Variants in AMPH observed in about 807,000 individuals in gnomAD.
AMPH encodes the protein amphiphysin (Stiff-Mann syndrome with breast cancer 128kD autoantigen).
In AMPH, 49 loss-of-function variants were observed where a neutral mutation model predicts 99.1. That is an observed-to-expected ratio of 0.49 (90% confidence interval 0.39 to 0.63). AMPH has a LOEUF of 0.63. Among genes scored for constraint, AMPH ranks in the 20% least tolerant of loss-of-function variants. The pLI is 0.00. For synonymous variants in AMPH, 314 were observed against 317.3 expected, an observed-to-expected ratio of 0.99 and a Z score of 0.11; for missense variants, 759 against 863.4, an observed-to-expected ratio of 0.88 and a Z score of 1.52.
At chr7:38,538,373 A>T (rs1221554254) in intron 1 of AMPH, among the ~76,000 whole-genome samples, 2 of 152,224 alleles carry the variant, frequency 1.3e-5, no homozygotes, top group African/African-American at 4.8e-5. Context: ...CTGCAGGAAT[A>T]ACAGGCTGCA....
chr7:38,605,921 G>A (rs111707453), intron 1 of AMPH, among the ~76,000 whole-genome samples: 2,713 of 152,230 alleles, frequency 0.018, 92 homozygotes, highest in African/African-American at 0.062. Flanking sequence ...TCGTAGGAAA[G>A]AAAGCCCCTC....
In AMPH at chr7:38,581,662, G is replaced by A. The variant is rs1252070008; in HGVS notation, c.70-46651C>T. Among the ~76,000 whole-genome samples, 5 of 152,318 alleles carry A rather than the reference G, an allele frequency of 3.3e-5. No homozygotes were observed. The East Asian group carries it at 9.7e-4, about 29-fold the overall frequency. The stretch of plus-strand genomic sequence containing the variant: ...TTCTAGTGGAGCAAGGAAAGGACAA[G>A]GGACGGTTAAGAGGCTCTGCAGTAA... On this transcript the variant is annotated intron_variant, in intron 1 of 20. Transcript: ENST00000356264.
At chr7:38,513,955 C>T (rs1434321894) in intron 2 of AMPH, among the ~76,000 whole-genome samples, 1 of 152,160 alleles carries the variant, frequency 6.6e-6, no homozygotes, top group Non-Finnish European at 1.5e-5. Context: ...ACTCCTTCTC[C>T]CAGCTATAGT....
chr7:38,462,739 G>A (rs76314084), intron 10 of AMPH, among the ~76,000 whole-genome samples: 14,681 of 152,160 alleles, frequency 0.096, 948 homozygotes, highest in Middle Eastern at 0.2. Flanking sequence ...TGAGCATGCC[G>A]AGAACGTGGT....
chr7:38,572,628 G>T (rs1365879088), intron 1 of AMPH, among the ~76,000 whole-genome samples: 2 of 152,188 alleles, frequency 1.3e-5, no homozygotes, highest in Non-Finnish European at 2.9e-5. Flanking sequence ...CAAGGGCCAA[G>T]ATCACCTGAA....
At chr7:38,561,993 G>A (rs1473078742) in intron 1 of AMPH, among the ~76,000 whole-genome samples, 1 of 148,860 alleles carries the variant, frequency 6.7e-6, no homozygotes. Flanking sequence ...TATGGCAGCC[G>A]AGGCTGACTA....
At chr7:38,429,140 A>G (rs1180660803) in intron 14 of AMPH, 2 of 1,289,838 alleles carry the variant, frequency 1.6e-6, no homozygotes, top group African/African-American at 3.0e-5. Context: ...TCATATCTTC[A>G]TGACTTTCTT....
chr7:38,410,369 A>G (rs1330147285), intron 17 of AMPH, among the ~76,000 whole-genome samples: 1 of 152,172 alleles, frequency 6.6e-6, no homozygotes, highest in Non-Finnish European at 1.5e-5. Context: ...GACCCAACCC[A>G]GATGGCAGTG....
intron 11 of AMPH, among the ~76,000 whole-genome samples, chr7:38,445,063 A>G (rs1031165168): frequency 1.4e-5 from 2 of 144,574 alleles, no homozygotes; most frequent in East Asian, 2.3e-4. Flanking sequence ...TGGTATATAC[A>G]TATATATATA....
At chr7:38,388,999 C>T (rs2128973345) in intron 20 of AMPH, among the ~76,000 whole-genome samples, 1 of 152,264 alleles carries the variant, frequency 6.6e-6, no homozygotes. Flanking sequence ...CTGCTTGACC[C>T]AACACCTGAT....
chr7:38,449,752 T>C (rs145628215), intron 11 of AMPH, among the ~76,000 whole-genome samples: 1 of 152,218 alleles, frequency 6.6e-6, no homozygotes, highest in Admixed American at 6.5e-5. Flanking sequence ...CTTAAAATAA[T>C]GTTAACATGT....
chr7:38,489,681 AT>A (rs1285182369), intron 5 of AMPH, among the ~76,000 whole-genome samples: 1 of 152,114 alleles, frequency 6.6e-6, no homozygotes, highest in African/African-American at 2.4e-5. Context: ...AATAGAAAAA[AT>A]AACTAATAAT....
At chr7:38,549,354 CTCTTTTGAAGAA>C (rs1010091267) in intron 1 of AMPH, among the ~76,000 whole-genome samples, 15 of 152,268 alleles carry the variant, frequency 9.9e-5, no homozygotes, top group Admixed American at 9.2e-4. Flanking sequence ...TAAGATCTGG[CTCTTTTGAAGAA>C]ATTAACAAGC....
intron 2 of AMPH, among the ~76,000 whole-genome samples, chr7:38,506,809 G>A (rs1789342064): frequency 6.6e-6 from 1 of 152,132 alleles, no homozygotes; most frequent in African/African-American, 2.4e-5. Flanking sequence ...AATAGCATGG[G>A]GATGAAACAC....
At chr7:38,392,405 G>C (rs1784531528) in intron 18 of AMPH, among the ~76,000 whole-genome samples, 1 of 34,156 alleles carries the variant, frequency 2.9e-5, no homozygotes, top group Non-Finnish European at 5.2e-5. Context: ...TTTTTTTTTT[G>C]AGACAGAGTC....
chr7:38,392,443 A>G (rs1240085312), intron 18 of AMPH, among the ~76,000 whole-genome samples: 1 of 131,532 alleles, frequency 7.6e-6, no homozygotes, highest in Non-Finnish European at 1.5e-5. Context: ...CTGGAGTGCA[A>G]TGACGCGATC....
rs561247181 is a variant in AMPH at position 38,409,555 on chromosome 7, C to G, written c.1398+8270G>C. On this transcript the variant is annotated intron_variant, in intron 17 of 20. Coordinates refer to ENST00000356264, the MANE Select transcript of AMPH (RefSeq NM_001635.4). Reference sequence around the variant, plus strand: ...TTCCTTTCAAAGCTGGCACTTGATACCGCAAATTTCATTTGACACATTTAT... The same window carrying G: ...TTCCTTTCAAAGCTGGCACTTGATAGCGCAAATTTCATTTGACACATTTAT... 9.2e-5 allele frequency among the ~76,000 whole-genome samples: 14 copies of G among 152,332 alleles called. No homozygotes were observed. The South Asian group carries it at 1.2e-3, about 14-fold the overall frequency.
chr7:38,509,631 C>G (rs1241861615), intron 2 of AMPH, among the ~76,000 whole-genome samples: 1 of 152,050 alleles, frequency 6.6e-6, no homozygotes, highest in African/African-American at 2.4e-5. Context: ...AATTTGTGAC[C>G]CTTGAAAAAC....
At chr7:38,602,208 G>A (rs748054583) in intron 1 of AMPH, among the ~76,000 whole-genome samples, 14 of 152,090 alleles carry the variant, frequency 9.2e-5, no homozygotes, top group Non-Finnish European at 1.6e-4. Flanking sequence ...GTCCACAGAG[G>A]CCCACCCTGA....
Sources: allele counts gnomAD v4.1 joint callset (sites outside exome capture counted in the v4.1 genomes callset), GRCh38; gene constraint gnomAD v4.1.1; transcripts MANE v1.5; gene names NCBI Gene and HGNC (gene_info 2026-07-23, HGNC 2026-07-21).